LDLRAD4: variants seen among roughly 807,000 people sequenced by gnomAD.
The protein encoded by LDLRAD4 is low density lipoprotein receptor class A domain containing 4, also known as low-density lipoprotein receptor class A domain-containing protein 4.
Under a neutral mutation model 17.0 loss-of-function variants are expected in LDLRAD4, and 5 were observed. That is an observed-to-expected ratio of 0.29 (90% CI 0.15 to 0.62). The LOEUF (loss-of-function observed/expected upper bound fraction) is 0.62, where lower values mean the gene tolerates loss of function less well. Among genes scored for constraint, LDLRAD4 ranks in the 20% least tolerant of loss-of-function variants. LDLRAD4 has a pLI of 0.84. For synonymous variants in LDLRAD4, 168 were observed against 171.8 expected, an observed-to-expected ratio of 0.98 and a Z score of 0.17; for missense variants, 340 against 424.7, an observed-to-expected ratio of 0.80 and a Z score of 1.75.
Position 13,553,841 on chromosome 18 carries a change from C to A in LDLRAD4, c.182-67276C>A, listed in dbSNP as rs567499885. On this transcript the variant is annotated intron_variant, in intron 3 of 5. Coordinates refer to ENST00000359446, the Ensembl canonical transcript of LDLRAD4. ...AAGCAATCTGGATTGGCCTTGCGAG[C>A]GTGTCTATGACCTAGGAGAGTAATG... Among the ~76,000 whole-genome samples, 32 of 152,236 alleles carry A rather than the reference C, an allele frequency of 2.1e-4. 1 individual carries two copies. The highest frequency in any genetic ancestry group is 1.9e-3 in the Admixed American group (29 of 15,290).
chr18:13,347,487 C>G (rs943751612), intron 1 of LDLRAD4, among the ~76,000 whole-genome samples: 21 of 152,198 alleles, frequency 1.4e-4, no homozygotes, highest in African/African-American at 4.8e-4. Context: ...CAACCTTTCT[C>G]TCTGACTGCC....
At chr18:13,443,110 T>C (rs537702659) in intron 3 of LDLRAD4, among the ~76,000 whole-genome samples, 3 of 152,346 alleles carry the variant, frequency 2.0e-5, no homozygotes, top group East Asian at 3.9e-4. Flanking sequence ...ATTATGACTT[T>C]AGGACTTTTT....
intron 1 of LDLRAD4, among the ~76,000 whole-genome samples, chr18:13,342,063 C>T (rs2082400385): frequency 1.3e-5 from 2 of 151,974 alleles, no homozygotes; most frequent in African/African-American, 2.4e-5. Context: ...TGTTGAACTC[C>T]TTGCATTCCA....
intron 1 of LDLRAD4, among the ~76,000 whole-genome samples, chr18:13,294,244 C>T (rs1431487413): frequency 6.6e-6 from 1 of 152,234 alleles, no homozygotes; most frequent in African/African-American, 2.4e-5. Context: ...AGTGCAGTTT[C>T]TGTCCGCGAT....
chr18:13,517,259 C>T (rs1456744944), intron 3 of LDLRAD4, among the ~76,000 whole-genome samples: 3 of 152,220 alleles, frequency 2.0e-5, no homozygotes, highest in Non-Finnish European at 4.4e-5. Context: ...ATGCTTATGT[C>T]CCCACTACCC....
chr18:13,386,899 GATAGATAGA>G (rs2085854075), intron 1 of LDLRAD4, among the ~76,000 whole-genome samples: 2 of 19,842 alleles, frequency 1.0e-4, no homozygotes, highest in Non-Finnish European at 1.7e-4. Context: ...TTCATAGATA[GATAGATAGA>G]TAGATAGATA....
chr18:13,318,162 G>A (rs1051826819), intron 1 of LDLRAD4, among the ~76,000 whole-genome samples: 2 of 152,296 alleles, frequency 1.3e-5, no homozygotes, highest in South Asian at 4.1e-4. Flanking sequence ...AGGCAGGACC[G>A]CTCACCTGGA....
intron 1 of LDLRAD4, among the ~76,000 whole-genome samples, chr18:13,272,503 C>T (rs962278210): frequency 4.6e-5 from 7 of 152,236 alleles, no homozygotes; most frequent in African/African-American, 1.4e-4. Context: ...TCAAACACAG[C>T]GAGACAGCTG....
chr18:13,650,964 A>C (rs998940026), exon 6 of LDLRAD4: 2 of 152,286 alleles, frequency 1.3e-5, no homozygotes, highest in Admixed American at 1.3e-4. Context: ...AAAACACTTT[A>C]AAGAAAATAC....
At chr18:13,220,356 G>A (rs1246005942) in intron 1 of LDLRAD4, among the ~76,000 whole-genome samples, 1 of 152,164 alleles carries the variant, frequency 6.6e-6, no homozygotes, top group African/African-American at 2.4e-5. Flanking sequence ...GCCATTGTTG[G>A]CCATGGTCCT....
At chr18:13,600,066 C>A (rs1383143039) in intron 3 of LDLRAD4, among the ~76,000 whole-genome samples, 1 of 152,154 alleles carries the variant, frequency 6.6e-6, no homozygotes, top group East Asian at 1.9e-4. Flanking sequence ...ATCCTCTTGC[C>A]TTAGCCTCCC....
At chr18:13,272,417 G>A (rs529073186) in intron 1 of LDLRAD4, among the ~76,000 whole-genome samples, 18 of 152,298 alleles carry the variant, frequency 1.2e-4, no homozygotes, top group East Asian at 1.9e-4. Flanking sequence ...GTTCGTTCCC[G>A]GCAAGCAAAA....
chr18:13,387,599 A>G (rs1441910798), exon 2 of LDLRAD4: 2 of 887,560 alleles, frequency 2.3e-6, no homozygotes, highest in East Asian at 2.5e-5. Flanking sequence ...GGATGCTCCC[A>G]GAGGCCGGCC....
chr18:13,610,557 G>A (rs2039449935), intron 3 of LDLRAD4, among the ~76,000 whole-genome samples: 1 of 152,000 alleles, frequency 6.6e-6, no homozygotes, highest in South Asian at 2.1e-4. Context: ...AAAGTGCTAG[G>A]ATTACAGGCT....
At chr18:13,551,120 C>T (rs1038001032) in intron 3 of LDLRAD4, among the ~76,000 whole-genome samples, 3 of 152,170 alleles carry the variant, frequency 2.0e-5, no homozygotes, top group Admixed American at 6.5e-5. Flanking sequence ...CTTCCTAACT[C>T]GCCTCAGGAC....
chr18:13,337,477 GA>G lies in LDLRAD4; in HGVS notation c.-382-49863del, dbSNP rs1250497739. 2.0e-5 allele frequency among the ~76,000 whole-genome samples: 3 copies of G among 152,114 alleles called. No individual in the cohort carries two copies. The East Asian group carries it at 5.8e-4, about 29-fold the overall frequency. Reference sequence around the variant, plus strand: ...TTTCATTGTCTTTTTGCTTTTGTTTGATATCGAGAGGAAAGGAAAAAGTTCT... The same window carrying G: ...TTTCATTGTCTTTTTGCTTTTGTTTGTATCGAGAGGAAAGGAAAAAGTTCT... On this transcript the variant is annotated intron_variant, in intron 1 of 5. Transcript: ENST00000359446.
chr18:13,475,891 A>G (rs1425851600), intron 3 of LDLRAD4, among the ~76,000 whole-genome samples: 1 of 152,238 alleles, frequency 6.6e-6, no homozygotes, highest in African/African-American at 2.4e-5. Context: ...GACATTGCAG[A>G]GGAACGAAAG....
At chr18:13,234,918 T>C (rs927379584) in intron 1 of LDLRAD4, 1 of 152,300 alleles carries the variant, frequency 6.6e-6, no homozygotes, top group African/African-American at 2.4e-5. Flanking sequence ...AAATTAGTTA[T>C]TTATTTGCTT....
intron 3 of LDLRAD4, among the ~76,000 whole-genome samples, chr18:13,507,051 G>A (rs1405256276): frequency 1.3e-5 from 2 of 152,206 alleles, no homozygotes; most frequent in Admixed American, 6.5e-5. Flanking sequence ...TAGCATGGGT[G>A]CATTTCATGT....
Sources: allele counts gnomAD v4.1 joint callset (sites outside exome capture counted in the v4.1 genomes callset), GRCh38; gene constraint gnomAD v4.1.1; transcripts MANE v1.5; gene names NCBI Gene and HGNC (gene_info 2026-07-23, HGNC 2026-07-21).